The following GRXCR1 variants were observed in gnomAD, a reference collection of about 807,000 sequenced individuals.
The protein encoded by GRXCR1 is glutaredoxin and cysteine rich domain containing 1.
Under a neutral mutation model 27.3 loss-of-function variants are expected in GRXCR1, and 27 were observed. The observed-to-expected ratio is 0.99, with a 90% confidence interval of 0.73 to 1.37. GRXCR1 has a LOEUF of 1.37. GRXCR1 is among the 40% of genes most tolerant of loss of function. GRXCR1 has a pLI of 0.00. For missense variants in GRXCR1, 379 were observed against 354.4 expected, an observed-to-expected ratio of 1.07 and a Z score of -0.56; for synonymous variants, 122 against 131.1, an observed-to-expected ratio of 0.93 and a Z score of 0.47.
intron 2 of GRXCR1, among the ~76,000 whole-genome samples, chr4:42,991,475 T>C (rs1711973703): frequency 6.7e-6 from 1 of 149,700 alleles, no homozygotes; most frequent in African/African-American, 2.4e-5. Flanking sequence ...CACACATACA[T>C]ATATATATAT....
In GRXCR1 at chr4:43,023,778, C is replaced by T. The variant is rs571257760; in HGVS notation, c.693+3359C>T. Among the ~76,000 whole-genome samples, 5 of 152,264 alleles carry T rather than the reference C, an allele frequency of 3.3e-5. No individual in the cohort carries two copies. The South Asian group carries it at 1.0e-3, about 32-fold the overall frequency. On this transcript the variant is annotated intron_variant, in intron 3 of 3. Transcript: ENST00000399770. ...GGGAATAAATAAATGACTTCTCTTT[C>T]ATCCAAAGCTTTTTTGGAGGAGGCA...
rs377751196 is a variant in GRXCR1, at chr4:43,020,262, G to C, written c.628-92G>C. ...GCTCCAAAGGGAAGAACTGTGCTCA[G>C]TATTTTGTGGGTTAAGCTTTCCTTG... On this transcript the variant is annotated intron_variant, in intron 2 of 3. Transcript: ENST00000399770. The C allele has an allele frequency of 1.6e-4, 128 of 811,148 alleles. No individual in the cohort carries two copies. The East Asian group carries it at 2.2e-3, about 14-fold the overall frequency. The allele number at this position is 811,148 out of a possible 1,614,324, so 50.2% of individuals were successfully genotyped here. A position where few individuals can be genotyped will look rare whatever the true frequency, so the allele number is the denominator to read the frequency against.
At chr4:43,013,733 A>G (rs1013878545) in intron 2 of GRXCR1, among the ~76,000 whole-genome samples, 1 of 152,222 alleles carries the variant, frequency 6.6e-6, no homozygotes, top group African/African-American at 2.4e-5. Context: ...TAAATAGAAC[A>G]GTCTTCTGGT....
chr4:42,950,180 T>C (rs1218291250), intron 1 of GRXCR1, among the ~76,000 whole-genome samples: 3 of 152,184 alleles, frequency 2.0e-5, no homozygotes, highest in Admixed American at 6.6e-5. Flanking sequence ...GGGGTTCTTG[T>C]AACAAAGATG....
intron 1 of GRXCR1, among the ~76,000 whole-genome samples, chr4:42,940,697 G>A (rs1201806325): frequency 6.6e-6 from 1 of 151,874 alleles, no homozygotes; most frequent in Non-Finnish European, 1.5e-5. Flanking sequence ...CTTTAAAATG[G>A]CATTGATAAA....
At chr4:42,904,666 G>A (rs1746544019) in intron 1 of GRXCR1, among the ~76,000 whole-genome samples, 1 of 152,072 alleles carries the variant, frequency 6.6e-6, no homozygotes, top group Admixed American at 6.6e-5. Context: ...CATGTTTCTC[G>A]ATGCCTGGTA....
chr4:42,930,733 A>T (rs1448399435), intron 1 of GRXCR1, among the ~76,000 whole-genome samples: 1 of 151,994 alleles, frequency 6.6e-6, no homozygotes, highest in Admixed American at 6.6e-5. Flanking sequence ...TGAGCCTTGG[A>T]TTCCTCAGAT....
At chr4:42,982,050 T>G (rs959812544) in intron 2 of GRXCR1, among the ~76,000 whole-genome samples, 3 of 121,910 alleles carry the variant, frequency 2.5e-5, no homozygotes, top group Admixed American at 1.5e-4. Context: ...TCTTTCTTTC[T>G]CCTTCTTTTT....
chr4:42,900,993 T>A (rs986546304), intron 1 of GRXCR1, among the ~76,000 whole-genome samples: 1 of 152,162 alleles, frequency 6.6e-6, no homozygotes. Context: ...AAATGCACAA[T>A]GCTTGTGGCG....
chr4:43,007,056 C>G (rs1712583183), intron 2 of GRXCR1, among the ~76,000 whole-genome samples: 1 of 152,174 alleles, frequency 6.6e-6, no homozygotes, highest in African/African-American at 2.4e-5. Context: ...AATAAATATG[C>G]ACTCCATTAC....
chr4:42,994,438 C>T (rs1039740774), intron 2 of GRXCR1, among the ~76,000 whole-genome samples: 6 of 152,014 alleles, frequency 3.9e-5, no homozygotes, highest in African/African-American at 1.4e-4. Context: ...AAGACAACAC[C>T]CATGCCTTAC....
chr4:43,005,423 G>A (rs762743046), intron 2 of GRXCR1, among the ~76,000 whole-genome samples: 15 of 152,136 alleles, frequency 9.9e-5, no homozygotes, highest in Non-Finnish European at 1.6e-4. Context: ...TATTATTATA[G>A]CACAATCTTC....
chr4:42,987,593 G>A (rs1478287563), intron 2 of GRXCR1, among the ~76,000 whole-genome samples: 2 of 151,976 alleles, frequency 1.3e-5, no homozygotes, highest in African/African-American at 2.4e-5. Context: ...ATTTCAATAA[G>A]AAGTGGTGAA....
intron 1 of GRXCR1, among the ~76,000 whole-genome samples, chr4:42,962,367 C>A (rs1326736133): frequency 1.3e-5 from 2 of 151,950 alleles, no homozygotes; most frequent in African/African-American, 4.8e-5. Context: ...AGAGCCCTTG[C>A]ACATATGTCA....
At chr4:43,029,288 T>C (rs1413900352) in intron 3 of GRXCR1, among the ~76,000 whole-genome samples, 1 of 152,192 alleles carries the variant, frequency 6.6e-6, no homozygotes, top group African/African-American at 2.4e-5. Flanking sequence ...AGAAAAGCTA[T>C]ATGTATGTGT....
chr4:43,006,280 G>T (rs556594809), intron 2 of GRXCR1, among the ~76,000 whole-genome samples: 9 of 151,980 alleles, frequency 5.9e-5, no homozygotes, highest in Non-Finnish European at 1.0e-4. Context: ...AAAAAGAACA[G>T]GATAAGAGCA....
At chr4:42,910,336 G>C (rs1746693899) in intron 1 of GRXCR1, among the ~76,000 whole-genome samples, 1 of 152,132 alleles carries the variant, frequency 6.6e-6, no homozygotes, top group African/African-American at 2.4e-5. Context: ...ACATGGATTT[G>C]ATCCTGCGTC....
chr4:42,918,031 C>T (rs1289969184), intron 1 of GRXCR1, among the ~76,000 whole-genome samples: 2 of 151,964 alleles, frequency 1.3e-5, no homozygotes, highest in Admixed American at 6.6e-5. Context: ...TAATTGGTTA[C>T]AAAAATAATG....
chr4:43,003,828 G>A (rs756797695), intron 2 of GRXCR1, among the ~76,000 whole-genome samples: 75 of 152,242 alleles, frequency 4.9e-4, no homozygotes, highest in Non-Finnish European at 8.4e-4. Context: ...AGGGGAAGCA[G>A]AGCATAAAAG....
Sources: gnomAD v4.1 joint callset for allele counts (sites outside exome capture counted in the v4.1 genomes callset) on GRCh38, gnomAD v4.1.1 for gene constraint, MANE v1.5 for transcripts, NCBI Gene and HGNC (gene_info 2026-07-23, HGNC 2026-07-21) for gene names.